Variants in KATNIP observed in about 807,000 individuals in gnomAD.
The protein encoded by KATNIP is katanin interacting protein.
A neutral mutation model predicts 174.0 loss-of-function variants in KATNIP; 126 were observed. The ratio of observed to expected loss-of-function variants is 0.72; its 90% CI spans 0.63 to 0.84. KATNIP has a LOEUF of 0.84. Ranked by LOEUF, KATNIP falls within the 40% of genes least tolerant of loss-of-function variation. KATNIP has a pLI of 0.00. For missense variants in KATNIP, 1,958 were observed against 2,109.7 expected (o/e 0.93, Z 1.41); for synonymous variants, 810 against 835.7 (o/e 0.97, Z 0.53).
At chr16:27,689,906 T>G (rs1315604307) in intron 8 of KATNIP, among the ~76,000 whole-genome samples, 2 of 150,830 alleles carry the variant, frequency 1.3e-5, no homozygotes, top group East Asian at 3.9e-4. Context: ...TCTTATTCTC[T>G]AGCACTGGTG....
chr16:27,603,934 A>G (rs2075619559), intron 2 of KATNIP, among the ~76,000 whole-genome samples: 2 of 151,530 alleles, frequency 1.3e-5, no homozygotes, highest in Admixed American at 6.6e-5. Context: ...ACTGGGTTTC[A>G]CAACATTGGC....
chr16:27,709,344 G>T (rs1353178184), intron 13 of KATNIP, among the ~76,000 whole-genome samples: 1 of 146,890 alleles, frequency 6.8e-6, no homozygotes, highest in Admixed American at 6.8e-5. Context: ...AAAATAGGCC[G>T]GGTATGGTGG....
At chr16:27,712,685 G>A (rs2079628030) in intron 13 of KATNIP, among the ~76,000 whole-genome samples, 2 of 152,110 alleles carry the variant, frequency 1.3e-5, no homozygotes, top group Non-Finnish European at 2.9e-5. Flanking sequence ...CCAGCACAAG[G>A]CCTCAAGATG....
intron 2 of KATNIP, among the ~76,000 whole-genome samples, chr16:27,575,839 T>C (rs1414641540): frequency 6.6e-6 from 1 of 152,206 alleles, no homozygotes; most frequent in Non-Finnish European, 1.5e-5. Context: ...TGAAAAGATC[T>C]AAGTGTCGCC....
At chr16:27,635,821 C>T (rs759182060) in intron 5 of KATNIP, among the ~76,000 whole-genome samples, 2 of 152,136 alleles carry the variant, frequency 1.3e-5, no homozygotes, top group South Asian at 4.2e-4. Context: ...AAAGACTTTT[C>T]GAAGCTTGCC....
intron 23 of KATNIP, among the ~76,000 whole-genome samples, chr16:27,774,096 C>T (rs2144246266): frequency 6.6e-6 from 1 of 152,250 alleles, no homozygotes; most frequent in African/African-American, 2.4e-5. Context: ...CCCCTCGGAT[C>T]TTGAATCTGT....
chr16:27,592,458 G>A (rs1596834026), intron 2 of KATNIP, among the ~76,000 whole-genome samples: 1 of 151,456 alleles, frequency 6.6e-6, no homozygotes. Flanking sequence ...CTCTACAAAA[G>A]TACAAAAAAA....
chr16:27,732,714 C>G (rs1280173567), intron 14 of KATNIP, among the ~76,000 whole-genome samples: 1 of 152,228 alleles, frequency 6.6e-6, no homozygotes, highest in Non-Finnish European at 1.5e-5. Context: ...CTCACTCCCC[C>G]ATAGCCCTCC....
At chr16:27,642,769 A>ATTTT (rs143123046) in intron 5 of KATNIP, among the ~76,000 whole-genome samples, 2 of 125,588 alleles carry the variant, frequency 1.6e-5, no homozygotes, top group African/African-American at 2.7e-5. Context: ...TTTTTAAAAA[A>ATTTT]TTTTTTTTTT....
chr16:27,654,603 C>T, intron 6 of KATNIP: 1 of 1,351,980 alleles, frequency 7.4e-7, no homozygotes, highest in Non-Finnish European at 9.8e-7. Flanking sequence ...TGTGCTTGTC[C>T]CTAGGATACC....
chr16:27,737,461 C>T (rs1469413281), intron 14 of KATNIP, among the ~76,000 whole-genome samples: 1 of 152,092 alleles, frequency 6.6e-6, no homozygotes, highest in African/African-American at 2.4e-5. Context: ...AGAGGCCAAG[C>T]AGTCACTTGG....
At chr16:27,564,290 T>G (rs1368458294) in intron 1 of KATNIP, among the ~76,000 whole-genome samples, 3 of 152,210 alleles carry the variant, frequency 2.0e-5, no homozygotes, top group Non-Finnish European at 4.4e-5. Context: ...ACCCTGACAA[T>G]AGACTTAAAT....
chr16:27,617,749 T>A (rs1429016268), intron 2 of KATNIP, among the ~76,000 whole-genome samples: 1 of 152,160 alleles, frequency 6.6e-6, no homozygotes, highest in East Asian at 1.9e-4. Context: ...TCCCCTCCCC[T>A]TTTTGTTCTT....
chr16:27,577,908 TC>T (rs2090558378), intron 2 of KATNIP, among the ~76,000 whole-genome samples: 2 of 151,978 alleles, frequency 1.3e-5, no homozygotes, highest in Admixed American at 1.3e-4. Context: ...AAATAAAAGT[TC>T]CCAGGTGATT....
rs373408806 is a variant in KATNIP at position 27,654,542 on chromosome 16, C to T, written c.540+5807C>T. 57 of 1,311,068 alleles carry T rather than the reference C, an allele frequency of 4.3e-5. No individual in the cohort carries two copies. In the East Asian group the frequency reaches 2.1e-3, roughly 49 times the overall value. 81.2% of individuals were successfully genotyped at this position (1,311,068 alleles called of 1,614,324 possible). A position where few individuals can be genotyped will look rare whatever the true frequency, so the allele number is the denominator to read the frequency against. On this transcript the variant is annotated intron_variant, in intron 6 of 27. Transcript: ENST00000261588. ...CAGGGAGACCAACAGAAGAGCGAGG[C>T]CCCAGCATGTCTTCAGGGACAGGAA...
intron 1 of KATNIP, among the ~76,000 whole-genome samples, chr16:27,570,659 G>T (rs937312365): frequency 6.6e-6 from 1 of 152,078 alleles, no homozygotes; most frequent in African/African-American, 2.4e-5. Flanking sequence ...TGTCTTGTTC[G>T]GGTGGCCATC....
chr16:27,753,382 C>A (rs115928659), intron 17 of KATNIP, among the ~76,000 whole-genome samples: 1,667 of 152,268 alleles, frequency 0.011, 31 homozygotes, highest in African/African-American at 0.038. Flanking sequence ...ATTTGCCCAG[C>A]GTTTTCCAAA....
intron 18 of KATNIP, among the ~76,000 whole-genome samples, chr16:27,760,596 G>A (rs1005739700): frequency 2.6e-5 from 4 of 152,222 alleles, no homozygotes; most frequent in Non-Finnish European, 5.9e-5. Context: ...AGTTTCCAGC[G>A]CTGGGGCTTA....
chr16:27,642,971 CAA>C (rs2142279838), intron 5 of KATNIP, among the ~76,000 whole-genome samples: 1 of 152,190 alleles, frequency 6.6e-6, no homozygotes, highest in Admixed American at 6.5e-5. Flanking sequence ...TGATTTAGAA[CAA>C]GAGTTCATCC....
Sources: allele counts gnomAD v4.1 joint callset (sites outside exome capture counted in the v4.1 genomes callset), GRCh38; gene constraint gnomAD v4.1.1; transcripts MANE v1.5; gene names NCBI Gene and HGNC (gene_info 2026-07-23, HGNC 2026-07-21).